The following GNG12 variants were observed in gnomAD, a reference collection of about 807,000 sequenced individuals.
GNG12 encodes guanine nucleotide-binding protein G(I)/G(S)/G(O) subunit gamma-12.
For synonymous variants in GNG12, 28 were observed against 29.7 expected (o/e 0.94, Z 0.19); for missense variants, 69 against 83.8 (o/e 0.82, Z 0.69).
At chr1:67,734,669 C>T (rs899397005) in intron 2 of GNG12, among the ~76,000 whole-genome samples, 3 of 152,134 alleles carry the variant, frequency 2.0e-5, no homozygotes, top group African/African-American at 7.2e-5. Context: ...CTCTGTCACC[C>T]AGGCTGGAGT....
intron 2 of GNG12, among the ~76,000 whole-genome samples, chr1:67,745,374 C>T (rs1646502335): frequency 1.3e-5 from 2 of 152,268 alleles, no homozygotes; most frequent in Admixed American, 6.5e-5. Flanking sequence ...TGAATTACTG[C>T]GTGACTTGGA....
chr1:67,734,525 A>C (rs561874082), intron 2 of GNG12, among the ~76,000 whole-genome samples: 2 of 152,336 alleles, frequency 1.3e-5, no homozygotes, highest in South Asian at 4.1e-4. Flanking sequence ...GAAGTGAAGC[A>C]CAGGAAGCTA....
intron 2 of GNG12, chr1:67,772,573 A>T (rs1646680903): frequency 6.6e-6 from 1 of 152,034 alleles, no homozygotes; most frequent in Non-Finnish European, 1.5e-5. Context: ...TTTCATTTTT[A>T]AAATTTATTA....
intron 2 of GNG12, among the ~76,000 whole-genome samples, chr1:67,749,517 G>C (rs369134884): frequency 1.3e-5 from 2 of 152,146 alleles, no homozygotes; most frequent in African/African-American, 4.8e-5. Flanking sequence ...ATAGTAACAC[G>C]GATTCAGTGC....
intron 1 of GNG12, among the ~76,000 whole-genome samples, chr1:67,814,920 C>A (rs564779512): frequency 6.6e-6 from 1 of 152,246 alleles, no homozygotes; most frequent in South Asian, 2.1e-4. Flanking sequence ...GCCAGGTCAA[C>A]AACAGACACA....
intron 1 of GNG12, among the ~76,000 whole-genome samples, chr1:67,796,132 T>C (rs1469321432): frequency 6.6e-6 from 1 of 152,216 alleles, no homozygotes; most frequent in Non-Finnish European, 1.5e-5. Flanking sequence ...TGAAAATAAA[T>C]GCCCTACTGA....
At chr1:67,766,098 G>GCACACACACACACA (rs1278948416) in intron 2 of GNG12, among the ~76,000 whole-genome samples, 5 of 100,814 alleles carry the variant, frequency 5.0e-5, no homozygotes, top group African/African-American at 2.3e-4. Flanking sequence ...ACAAAACAAG[G>GCACACACACACACA]CACACACGCA....
intron 1 of GNG12, among the ~76,000 whole-genome samples, chr1:67,781,337 CATG>C (rs773184674): frequency 1.1e-4 from 17 of 152,250 alleles, no homozygotes; most frequent in Middle Eastern, 3.4e-3. Flanking sequence ...CATCTCCTTA[CATG>C]ATAAGAAATA....
intron 2 of GNG12, among the ~76,000 whole-genome samples, chr1:67,766,106 G>GCACGCACA (rs1553157552): frequency 1.3e-4 from 18 of 139,836 alleles, no homozygotes; most frequent in African/African-American, 3.0e-4. Flanking sequence ...AGGCACACAC[G>GCACGCACA]CACACACACA....
chr1:67,789,617 T>C (rs1489568072), intron 1 of GNG12, among the ~76,000 whole-genome samples: 1 of 152,186 alleles, frequency 6.6e-6, no homozygotes. Context: ...CACCTTTGCA[T>C]CAGACATAGA....
At chr1:67,780,635 C>T (rs981363559) in intron 1 of GNG12, among the ~76,000 whole-genome samples, 22 of 152,244 alleles carry the variant, frequency 1.4e-4, no homozygotes, top group Middle Eastern at 3.4e-3. Flanking sequence ...AAAAACGCAC[C>T]AGTATAAAGA....
intron 1 of GNG12, among the ~76,000 whole-genome samples, chr1:67,831,678 C>T (rs922200991): frequency 6.6e-6 from 1 of 151,948 alleles, no homozygotes; most frequent in African/African-American, 2.4e-5. Flanking sequence ...TCTGAAAGTC[C>T]TTTTATCACT....
intron 1 of GNG12, among the ~76,000 whole-genome samples, chr1:67,790,786 T>C (rs1285539567): frequency 6.6e-6 from 1 of 152,118 alleles, no homozygotes; most frequent in East Asian, 1.9e-4. Flanking sequence ...TGGCTAATTT[T>C]TGTATTTTTA....
At chr1:67,768,070 C>T (rs1265697238) in intron 2 of GNG12, among the ~76,000 whole-genome samples, 1 of 152,228 alleles carries the variant, frequency 6.6e-6, no homozygotes, top group East Asian at 1.9e-4. Flanking sequence ...TGCCACTGTG[C>T]TTGGTCTTCT....
intron 2 of GNG12, among the ~76,000 whole-genome samples, chr1:67,751,439 G>T (rs1646538415): frequency 6.6e-6 from 1 of 152,146 alleles, no homozygotes; most frequent in Non-Finnish European, 1.5e-5. Flanking sequence ...CAGGGGGCAG[G>T]ACAGTCACCT....
intron 2 of GNG12, among the ~76,000 whole-genome samples, chr1:67,751,339 G>A (rs983939187): frequency 6.6e-6 from 1 of 152,348 alleles, no homozygotes; most frequent in South Asian, 2.1e-4. Context: ...GGCAGAGTCT[G>A]TGAGCCACTT....
chr1:67,750,974 G>A (rs1486535527), intron 2 of GNG12, among the ~76,000 whole-genome samples: 1 of 152,100 alleles, frequency 6.6e-6, no homozygotes, highest in Non-Finnish European at 1.5e-5. Context: ...TAACAGGTAA[G>A]GAGTTATTTT....
intron 2 of GNG12, among the ~76,000 whole-genome samples, chr1:67,719,237 A>T (rs185169745): frequency 1.3e-5 from 2 of 152,168 alleles, no homozygotes; most frequent in African/African-American, 4.8e-5. Context: ...ACCTATTTAA[A>T]TTCTCCTTTT....
chr1:67,792,613 T>C (rs1328531813), intron 1 of GNG12, among the ~76,000 whole-genome samples: 1 of 152,206 alleles, frequency 6.6e-6, no homozygotes, highest in Non-Finnish European at 1.5e-5. Flanking sequence ...GCTTGCAGAA[T>C]TAAGCTAATA....
Sources: gnomAD v4.1 joint callset for allele counts (sites outside exome capture counted in the v4.1 genomes callset) on GRCh38, gnomAD v4.1.1 for gene constraint, MANE v1.5 for transcripts, NCBI Gene and HGNC (gene_info 2026-07-23, HGNC 2026-07-21) for gene names.